KIF5A: variants seen among roughly 807,000 people sequenced by gnomAD.
The protein encoded by KIF5A is kinesin heavy chain isoform 5A.
KIF5A carries 35 observed loss-of-function variants against 141.3 expected under a neutral mutation model. The observed-to-expected ratio is 0.25, with a 90% CI of 0.19 to 0.33. The LOEUF (loss-of-function observed/expected upper bound fraction) is 0.33, where lower values mean the gene tolerates loss of function less well. Among genes scored for constraint, KIF5A ranks in the 10% least tolerant of loss-of-function variants. KIF5A has a pLI of 1.00. For synonymous variants in KIF5A, 448 were observed against 500.2 expected (o/e 0.90, Z 1.39); for missense variants, 861 against 1,314.3 (o/e 0.66, Z 5.33).
At chr12:57,551,323 T>C (rs913938988) in intron 1 of KIF5A, among the ~76,000 whole-genome samples, 1 of 152,210 alleles carries the variant, frequency 6.6e-6, no homozygotes, top group Admixed American at 6.5e-5. Context: ...GATGCAGAAA[T>C]TGAGGCCCAA....
chr12:57,564,548 G>T, intron 5 of KIF5A, 40 bp downstream of exon 5: 2 of 1,502,622 alleles, frequency 1.3e-6, no homozygotes, highest in Middle Eastern at 1.7e-4. Context: ...GTGTGAGGAG[G>T]GTGGAGAAAA....
At chr12:57,574,878 C>T (rs1421294182) in intron 15 of KIF5A, among the ~76,000 whole-genome samples, 1 of 152,060 alleles carries the variant, frequency 6.6e-6, no homozygotes, top group Non-Finnish European at 1.5e-5. Flanking sequence ...GCTACTGCGC[C>T]CAGCCAGAAT....
chr12:57,567,879 C>T (rs1343793618), intron 8 of KIF5A, among the ~76,000 whole-genome samples: 2 of 151,092 alleles, frequency 1.3e-5, no homozygotes, highest in Non-Finnish European at 2.9e-5. Context: ...CCAGGCTGGT[C>T]CTTGGCTCTT....
At chr12:57,557,528 AT>A (rs1881782250) in intron 1 of KIF5A, among the ~76,000 whole-genome samples, 1 of 152,140 alleles carries the variant, frequency 6.6e-6, no homozygotes, top group Admixed American at 6.5e-5. Context: ...AAGCACTGTT[AT>A]TAATAATAAT....
At chr12:57,568,935 A>T in intron 8 of KIF5A, 28 bp from the exon 9 acceptor site, 1 of 1,528,202 alleles carries the variant, frequency 6.5e-7, no homozygotes, top group South Asian at 1.1e-5. Flanking sequence ...AGCTGCTCAT[A>T]CACACTCATC....
Position 57,564,903 on chromosome 12 carries a change from A to T in KIF5A, c.446-15A>T, listed in dbSNP as rs1453048734. ...GAAGTACTAGTCTTGCTTACCCTGC[A>T]TTCTTTTGATTCAGTGACCAAGACA... On this transcript the variant is annotated splice_polypyrimidine_tract_variant and intron_variant, in intron 5 of 28. Transcript: ENST00000455537. 2.5e-6 allele frequency: 4 copies of T among 1,613,830 alleles called. No individual in the cohort carries two copies. Among genetic ancestry groups the T allele is most frequent in the Non-Finnish European group, 3.4e-6 (4 of 1,179,842 alleles).
In KIF5A at chr12:57,550,744, A is replaced by G. The variant is rs1329563334; in HGVS notation, c.129+344A>G. Among the ~76,000 whole-genome samples, 1 of 152,144 alleles carries G rather than the reference A, an allele frequency of 6.6e-6. No homozygotes were observed. The highest frequency in any genetic ancestry group is 2.4e-5 in the African/African-American group (1 of 41,434). ...CCACCCGCTCCCCAAGAGAAAGCGC[A>G]TCTTCCCTTTGTTATTGGCTCAGAT... On this transcript the variant is annotated intron_variant, in intron 1 of 28. Coordinates refer to ENST00000455537, the MANE Select transcript of KIF5A (RefSeq NM_004984.4). This position sits in a 1 kb window ranked among gnomAD's most constrained non-coding sequence, Gnocchi z 4.6.
At position 57,550,107 on chromosome 12, in the gene KIF5A, C is replaced by A. The variant is rs1881519954; in HGVS notation, c.-165C>A. The A allele has an allele frequency of 1.2e-6, 1 of 867,848 alleles. No homozygotes were observed. Among genetic ancestry groups the A allele is most frequent in the East Asian group, 2.6e-5 (1 of 38,454 alleles). The allele number at this position is 867,848 out of a possible 1,614,324, so 53.8% of individuals were successfully genotyped here. Reference sequence around the variant, plus strand: ...TCCCGCTGCCGCAGGAGAGAGACAGCGCGCCCCGGCCCTGCTCCCCAGGCT... The same window carrying A: ...TCCCGCTGCCGCAGGAGAGAGACAGAGCGCCCCGGCCCTGCTCCCCAGGCT... On this transcript the variant is annotated 5_prime_UTR_variant, in exon 1 of 29. Transcript: ENST00000455537. This position sits in a 1 kb window ranked among gnomAD's most constrained non-coding sequence, Gnocchi z 4.6.
At position 57,581,441 on chromosome 12, in the gene KIF5A, C is replaced by T. The variant is rs1163611256; in HGVS notation, c.2782C>T (p.Pro928Ser). Residue 928 changes from proline to serine, a missense_variant, in exon 25 of 29, where the codon CCA (proline) becomes TCA (serine). Physicochemically the swap from Pro to Ser is moderately conservative, Grantham distance 74. Around this residue, in one of 5 missense-constraint regions of KIF5A, gnomAD observed 482 missense variants for 661.3 expected, o/e 0.73. Coordinates refer to ENST00000455537, the MANE Select transcript of KIF5A (RefSeq NM_004984.4). ...CAAACCCGTCCGGCCTGGCCACTAC[C>T]CAGCATCCTCACCCACCAACCCCTA... is the stretch of plus-strand genomic sequence containing the variant. ...IAKPVRPGHY[P>S]ASSPTNPYGT... 6 of 1,613,916 alleles carry T rather than the reference C, an allele frequency of 3.7e-6. No homozygotes were observed. Among genetic ancestry groups the T allele is most frequent in the Admixed American group, 1.7e-5 (1 of 59,998 alleles).
chr12:57,570,062 C>T lies in KIF5A; in HGVS notation c.1193C>T (p.Pro398Leu). The T allele has an allele frequency of 2.5e-6, 4 of 1,614,190 alleles. No individual in the cohort carries two copies. The highest frequency in any genetic ancestry group is 3.4e-6 in the Non-Finnish European group (4 of 1,180,030). Residue 398 changes from proline to leucine, a missense_variant, in exon 12 of 29, where the codon CCT becomes CTT. By Grantham distance (98) the Pro-to-Leu change is moderately conservative. Coordinates refer to ENST00000455537, the MANE Select transcript of KIF5A (RefSeq NM_004984.4). ...GGAGCCGAGCTCTGTGAGGAGACCC[C>T]TGTGAATGACAACTCATCCATCGTG... ...ALGAELCEET[P>L]VNDNSSIVVR...
chr12:57,558,141 T>A (rs910666209), intron 1 of KIF5A, among the ~76,000 whole-genome samples: 6 of 152,044 alleles, frequency 3.9e-5, no homozygotes, highest in Non-Finnish European at 1.5e-5. Context: ...GTGTGGTGGC[T>A]CATGCCTGTA....
rs766691516 is a variant in KIF5A, at chr12:57,569,339, C to T, written c.903C>T (p.Phe301=). 6 of 1,614,012 alleles carry T rather than the reference C, an allele frequency of 3.7e-6. No homozygotes were observed. The South Asian group carries it at 4.4e-5, about 12-fold the overall frequency. ...GGGGAAACTGCCGGACGACTATGTT[C>T]ATCTGTTGCTCACCATCCAGTTATA... is the stretch of plus-strand genomic sequence containing the variant. ...SLGGNCRTTM[F]ICCSPSSYND... Residue 301 remains phenylalanine (F), a synonymous_variant, in exon 10 of 29, where the codon TTC becomes TTT. Transcript: ENST00000455537.
At chr12:57,575,857 G>T in intron 17 of KIF5A, 100 bp downstream of exon 17, 1 of 999,584 alleles carries the variant, frequency 1.0e-6, no homozygotes, top group East Asian at 2.4e-5. Context: ...GCATTAGCTT[G>T]AAATCATGGA....
At chr12:57,579,691 C>T (rs1472579700) in intron 23 of KIF5A, among the ~76,000 whole-genome samples, 1 of 152,212 alleles carries the variant, frequency 6.6e-6, no homozygotes, top group African/African-American at 2.4e-5. Flanking sequence ...ATTCGATTTT[C>T]ATTCCCGCAT....
intron 19 of KIF5A, 113 bp downstream of exon 19, chr12:57,576,491 A>G: frequency 1.2e-6 from 1 of 836,452 alleles, no homozygotes; most frequent in South Asian, 1.4e-5. Flanking sequence ...CATTCCCTCA[A>G]CAATGCCACA....
intron 1 of KIF5A, among the ~76,000 whole-genome samples, chr12:57,557,341 T>G (rs1280546697): frequency 6.6e-6 from 1 of 152,146 alleles, no homozygotes; most frequent in Non-Finnish European, 1.5e-5. Flanking sequence ...GGAGAAACAT[T>G]GAGGTAGATT....
Position 57,584,545 on chromosome 12 carries a change from A to G in KIF5A, c.*364A>G, listed in dbSNP as rs1882701225. The stretch of plus-strand genomic sequence containing the variant: ...TGGTGTTAGTCACTGAGTAGAGGTC[A>G]CAGAGATGACAAAAGGAAAAATGGG... On this transcript the variant is annotated 3_prime_UTR_variant, in exon 29 of 29. Coordinates refer to ENST00000455537, the MANE Select transcript of KIF5A (RefSeq NM_004984.4). The G allele has an allele frequency of 6.6e-6, 1 of 152,630 alleles. No homozygotes were observed. Among genetic ancestry groups the G allele is most frequent in the African/African-American group, 2.4e-5 (1 of 41,410 alleles). 9.5% of individuals were successfully genotyped at this position (152,630 alleles called of 1,614,324 possible). A position where few individuals can be genotyped will look rare whatever the true frequency, so the allele number is the denominator to read the frequency against.
chr12:57,575,794 G>A, intron 17 of KIF5A, 37 bp downstream of exon 17: 1 of 1,428,684 alleles, frequency 7.0e-7, no homozygotes, highest in Non-Finnish European at 9.9e-7. Flanking sequence ...ACTGTCCAGG[G>A]CAGAAAAGTC....
rs1299152245 is a variant in KIF5A, at chr12:57,567,177, G to A, written c.553G>A (p.Asp185Asn). The change falls in exon 7 of 29, where the codon GAT becomes AAT. Residue 185 changes from aspartate (D) to asparagine (N), a missense_variant. Transcript: ENST00000455537. ...SSPEEILDVI[D>N]EGKSNRHVAV... ...CCCGGAGGAGATTCTGGATGTGATT[G>A]ATGAAGGGAAATCAAATCGTCATGT... 2 of 1,613,472 alleles carry A rather than the reference G, an allele frequency of 1.2e-6. No homozygotes were observed. Among genetic ancestry groups the A allele is most frequent in the Non-Finnish European group, 1.7e-6 (2 of 1,179,568 alleles).
Sources: allele counts gnomAD v4.1 joint callset (sites outside exome capture counted in the v4.1 genomes callset), GRCh38; gene constraint gnomAD v4.1.1; regional missense constraint gnomAD v4.1.1; non-coding constraint Gnocchi (gnomAD v3.1); transcripts MANE v1.5; gene names NCBI Gene and HGNC (gene_info 2026-07-23, HGNC 2026-07-21).